The following CSMD1 variants were observed in gnomAD, a reference collection of about 807,000 sequenced individuals.
The protein encoded by CSMD1 is CUB and sushi domain-containing protein 1.
A neutral mutation model predicts 417.5 loss-of-function variants in CSMD1; 213 were observed. The ratio of observed to expected loss-of-function variants is 0.51; its 90% CI spans 0.46 to 0.57. CSMD1 has a LOEUF of 0.57. Ranked by LOEUF, CSMD1 falls within the 20% of genes least tolerant of loss-of-function variation. The pLI, the probability that CSMD1 is intolerant of heterozygous loss-of-function variation, is 0.00. For missense variants in CSMD1, 6,923 were observed against 4,529.7 expected (o/e 1.53, Z -15.17); for synonymous variants, 2,862 against 1,736.8 (o/e 1.65, Z -16.11).
intron 3 of CSMD1, among the ~76,000 whole-genome samples, chr8:4,285,966 A>T (rs1187865158): frequency 1.3e-5 from 2 of 152,152 alleles, no homozygotes; most frequent in African/African-American, 4.8e-5. Context: ...CTATAATTAC[A>T]CGTATGCAGT....
At chr8:4,794,845 A>G (rs1270640564) in intron 1 of CSMD1, among the ~76,000 whole-genome samples, 2 of 152,222 alleles carry the variant, frequency 1.3e-5, no homozygotes, top group African/African-American at 4.8e-5. Flanking sequence ...ACTGACCTCC[A>G]AGACAAGAAC....
intron 3 of CSMD1, among the ~76,000 whole-genome samples, chr8:4,215,844 A>C (rs997522785): frequency 1.3e-5 from 2 of 152,208 alleles, no homozygotes; most frequent in African/African-American, 4.8e-5. Context: ...TGGAAAAGGC[A>C]GGGTTTATGT....
At chr8:3,530,318 G>C (rs769444204) in intron 10 of CSMD1, among the ~76,000 whole-genome samples, 1 of 151,982 alleles carries the variant, frequency 6.6e-6, no homozygotes, top group African/African-American at 2.4e-5. Context: ...TCTTGGCCCT[G>C]TTTTGGCTGC....
chr8:4,697,085 T>G (rs899827792), intron 1 of CSMD1, among the ~76,000 whole-genome samples: 1 of 152,008 alleles, frequency 6.6e-6, no homozygotes, highest in African/African-American at 2.4e-5. Flanking sequence ...CGCAGGAGAA[T>G]TGCTTGAACC....
intron 46 of CSMD1, among the ~76,000 whole-genome samples, chr8:3,101,955 C>T (rs1815788642): frequency 2.6e-5 from 4 of 152,104 alleles, no homozygotes; most frequent in Admixed American, 2.0e-4. Flanking sequence ...ATGTCTGCCA[C>T]CACATCTGGC....
chr8:3,193,918 C>T (rs1235892165), intron 33 of CSMD1, among the ~76,000 whole-genome samples: 1 of 152,178 alleles, frequency 6.6e-6, no homozygotes, highest in Non-Finnish European at 1.5e-5. Flanking sequence ...ACCTCTGTTA[C>T]AGTTGATGTG....
intron 5 of CSMD1, among the ~76,000 whole-genome samples, chr8:3,855,935 T>C (rs555306854): frequency 3.0e-4 from 46 of 152,198 alleles, no homozygotes; most frequent in Non-Finnish European, 6.0e-4. Flanking sequence ...AGATAAATAT[T>C]GAATCCCAGA....
intron 25 of CSMD1, among the ~76,000 whole-genome samples, chr8:3,294,597 G>T (rs141324615): frequency 1.3e-5 from 2 of 152,156 alleles, no homozygotes; most frequent in African/African-American, 4.8e-5. Context: ...GTGAGGCTCC[G>T]TGGGGGTAGG....
chr8:4,005,406 C>G (rs1387027064), intron 4 of CSMD1, among the ~76,000 whole-genome samples: 1 of 152,216 alleles, frequency 6.6e-6, no homozygotes, highest in Non-Finnish European at 1.5e-5. Context: ...TGGTCACTCC[C>G]TCTGCAACCA....
At chr8:3,562,419 C>CACACATGCACACACACGTGCACATAA (rs1799510013) in intron 10 of CSMD1, among the ~76,000 whole-genome samples, 1 of 144,434 alleles carries the variant, frequency 6.9e-6, no homozygotes, top group African/African-American at 2.6e-5. Context: ...CATGCACAAA[C>CACACATGCACACACACGTGCACATAA]ACACATGCAC....
intron 5 of CSMD1, among the ~76,000 whole-genome samples, chr8:3,854,961 G>A (rs1322317809): frequency 6.6e-6 from 1 of 150,876 alleles, no homozygotes; most frequent in African/African-American, 2.5e-5. Flanking sequence ...GAAAAACATA[G>A]CATACATACA....
chr8:3,071,326 G>T (rs1301059588), intron 49 of CSMD1, among the ~76,000 whole-genome samples: 1 of 152,052 alleles, frequency 6.6e-6, no homozygotes, highest in Non-Finnish European at 1.5e-5. Context: ...ACAGGGAAGG[G>T]AACATCACAC....
chr8:4,886,426 G>A (rs1294626367), intron 1 of CSMD1, among the ~76,000 whole-genome samples: 1 of 151,816 alleles, frequency 6.6e-6, no homozygotes, highest in East Asian at 1.9e-4. Flanking sequence ...GAGGAAATTT[G>A]CATCTATATT....
At chr8:3,607,779 A>G (rs1801692046) in intron 8 of CSMD1, among the ~76,000 whole-genome samples, 1 of 152,198 alleles carries the variant, frequency 6.6e-6, no homozygotes, top group Admixed American at 6.5e-5. Context: ...TTAACTGGCA[A>G]TACTCCTTTG....
intron 5 of CSMD1, among the ~76,000 whole-genome samples, chr8:3,820,521 C>G (rs1388239837): frequency 6.6e-6 from 1 of 152,156 alleles, no homozygotes; most frequent in Non-Finnish European, 1.5e-5. Flanking sequence ...GCTGACATCT[C>G]CTATGGTAAC....
At chr8:3,879,179 T>C (rs1193958018) in intron 5 of CSMD1, among the ~76,000 whole-genome samples, 1 of 152,148 alleles carries the variant, frequency 6.6e-6, no homozygotes, top group Non-Finnish European at 1.5e-5. Flanking sequence ...TGGTGGTTTA[T>C]TACAGCACAC....
At chr8:3,307,467 T>A (rs1804964449) in intron 25 of CSMD1, among the ~76,000 whole-genome samples, 1 of 152,162 alleles carries the variant, frequency 6.6e-6, no homozygotes, top group Non-Finnish European at 1.5e-5. Context: ...CAGCAGAAGC[T>A]AACTGATACA....
At chr8:3,504,847 G>C (rs770205102) in intron 10 of CSMD1, among the ~76,000 whole-genome samples, 1 of 152,148 alleles carries the variant, frequency 6.6e-6, no homozygotes, top group Admixed American at 6.5e-5. Context: ...AGCAAGTTGA[G>C]AGTCATGTGA....
intron 5 of CSMD1, among the ~76,000 whole-genome samples, chr8:3,880,846 T>A (rs1806160831): frequency 6.6e-6 from 1 of 152,198 alleles, no homozygotes; most frequent in Non-Finnish European, 1.5e-5. Context: ...GACCTGCGCA[T>A]TTATATTTTT....
Sources: allele counts gnomAD v4.1 joint callset (sites outside exome capture counted in the v4.1 genomes callset), GRCh38; gene constraint gnomAD v4.1.1; transcripts MANE v1.5; gene names NCBI Gene and HGNC (gene_info 2026-07-23, HGNC 2026-07-21).